The following SLC52A2 variants were observed in gnomAD, a reference collection of about 807,000 sequenced individuals.
SLC52A2 encodes solute carrier family 52 member 2.
Under a neutral mutation model 24.8 loss-of-function variants are expected in SLC52A2, and 16 were observed. The ratio of observed to expected loss-of-function variants is 0.64; its 90% CI spans 0.44 to 0.98. SLC52A2 has a LOEUF of 0.98. SLC52A2 is among the 50% of genes least tolerant of loss of function. The pLI, the probability that SLC52A2 is intolerant of heterozygous loss-of-function variation, is 0.00. For synonymous variants in SLC52A2, 335 were observed against 276.3 expected (o/e 1.21, Z -2.11); for missense variants, 612 against 575.9 (o/e 1.06, Z -0.64).
Position 144,358,635 on chromosome 8 carries a change from G to C in SLC52A2, c.-541G>C, listed in dbSNP as rs1818597902. The C allele has an allele frequency of 1.5e-6, 1 of 646,220 alleles. No homozygotes were observed. The highest frequency in any genetic ancestry group is 8.2e-5 in the South Asian group (1 of 12,142). 40.0% of individuals were successfully genotyped at this position (646,220 alleles called of 1,614,324 possible). On this transcript the variant is annotated 5_prime_UTR_variant, in exon 1 of 5. Coordinates refer to ENST00000643944, the MANE Select transcript of SLC52A2 (RefSeq NM_001363118.2). ...GGTGAGTCGGGTCGTGGCTGCTGCC[G>C]GGTCCTGCGCGCTCCGGACTGAGGT...
In SLC52A2 at chr8:144,360,645, C is replaced by T. The variant is rs1818816279; in HGVS notation, c.1057C>T (p.Leu353=). The T allele has an allele frequency of 6.2e-7, 1 of 1,604,422 alleles. No individual in the cohort carries two copies. Among genetic ancestry groups the T allele is most frequent in the Non-Finnish European group, 8.5e-7 (1 of 1,179,606 alleles). The change falls in exon 4 of 5, where the codon CTG becomes TTG. Residue 353 remains leucine, a synonymous_variant. Transcript: ENST00000643944. ...SLLGVFCGGY[L]MALAVLSPCP... ...GCTGGGCGTGTTCTGTGGGGGCTACCTGATGGCGCTGGCAGTCCTGAGCCC... is the reference window on the plus strand; with the variant it reads ...GCTGGGCGTGTTCTGTGGGGGCTACTTGATGGCGCTGGCAGTCCTGAGCCC...
chr8:144,360,552 G>T, intron 3 of SLC52A2, 38 bp from the exon 4 acceptor site: 1 of 1,582,740 alleles, frequency 6.3e-7, no homozygotes. Flanking sequence ...GCCAGGTCCT[G>T]GCGCAGTCAG....
Position 144,360,840 on chromosome 8 carries a change from A to C in SLC52A2, c.1163A>C (p.Tyr388Ser). The C allele has an allele frequency of 6.2e-7, 1 of 1,613,204 alleles. No homozygotes were observed. Among genetic ancestry groups the C allele is most frequent in the East Asian group, 2.2e-5 (1 of 44,872 alleles). ...GTGCTGTGTCTTGGCGTGTTCTCCT[A>C]CGTGAAGGTGGCAGCCAGCTCCCTG... ...SWVLCLGVFS[Y>S]VKVAASSLLH... The change falls in exon 5 of 5, where the codon TAC becomes TCC. Residue 388 changes from tyrosine to serine, a missense_variant. Physicochemically the swap from Tyr to Ser is moderately radical, Grantham distance 144 (BLOSUM62 -2). Coordinates refer to ENST00000643944, the MANE Select transcript of SLC52A2 (RefSeq NM_001363118.2).
Position 144,360,104 on chromosome 8 carries a change from G to A in SLC52A2, c.612G>A (p.Leu204=), listed in dbSNP as rs1187056563. The change falls in exon 3 of 5, where the codon CTG becomes CTA. Residue 204 remains leucine, a synonymous_variant. Coordinates refer to ENST00000643944, the MANE Select transcript of SLC52A2 (RefSeq NM_001363118.2). ...TCTTCTGGGCACTGACTGCCCTTCT[G>A]GTCGCTTCAGCTGCTGCCTTCCAGG... is the stretch of plus-strand genomic sequence containing the variant. ...STFFWALTAL[L]VASAAAFQGL... The A allele has an allele frequency of 1.2e-6, 2 of 1,612,816 alleles. No individual in the cohort carries two copies. The highest frequency in any genetic ancestry group is 1.3e-5 in the African/African-American group (1 of 74,902).
Position 144,359,732 on chromosome 8 carries a change from C to T in SLC52A2, c.240C>T (p.Pro80=). The change falls in exon 3 of 5, where the codon CCC becomes CCT. Residue 80 remains proline, a synonymous_variant. Transcript: ENST00000643944. ...RLAPGKDEQV[P]IRVVQVLGMV... ...CCCCAGGAAAGGACGAGCAGGTCCC[C>T]ATCCGGGTGGTGCAGGTGCTGGGCA... 1 of 1,613,594 alleles carries T rather than the reference C, an allele frequency of 6.2e-7. No individual in the cohort carries two copies. Among genetic ancestry groups the T allele is most frequent in the Non-Finnish European group, 8.5e-7 (1 of 1,180,006 alleles).
At position 144,360,952 on chromosome 8, in the gene SLC52A2, C is replaced by T. The variant is rs1818852282; in HGVS notation, c.1275C>T (p.Pro425=). The T allele has an allele frequency of 6.2e-6, 10 of 1,613,558 alleles. No individual in the cohort carries two copies. In the East Asian group the frequency reaches 2.2e-4, roughly 36 times the overall value. The change falls in exon 5 of 5, where the codon CCC becomes CCT. Residue 425 remains proline (P), a synonymous_variant. Coordinates refer to ENST00000643944, the MANE Select transcript of SLC52A2 (RefSeq NM_001363118.2). The part of the protein sequence containing the change: ...GSLLGAVAMF[P]PTSIYHVFHS... ...TGCTCGGCGCTGTTGCTATGTTCCC[C>T]CCGACCAGCATCTATCACGTGTTCC...
chr8:144,361,021 G>T lies in SLC52A2; in HGVS notation c.*6G>T, dbSNP rs1360906714. The T allele has an allele frequency of 6.2e-7, 1 of 1,610,104 alleles. No homozygotes were observed. The highest frequency in any genetic ancestry group is 8.5e-7 in the Non-Finnish European group (1 of 1,177,672). On this transcript the variant is annotated 3_prime_UTR_variant, in exon 5 of 5. Transcript: ENST00000643944. ...CAGACCCCTGTGACTCCTGAGCCTG[G>T]GCAGGTGGGGACCCCGCTCCCCAAC...
intron 3 of SLC52A2, 29 bp downstream of exon 3, chr8:144,360,522 G>A: frequency 6.3e-7 from 1 of 1,585,646 alleles, no homozygotes; most frequent in Non-Finnish European, 8.5e-7. Flanking sequence ...CCCCTGTGCG[G>A]GTGGAACTCA....
At position 144,359,996 on chromosome 8, in the gene SLC52A2, C is replaced by T. The variant is rs1554854012; in HGVS notation, c.504C>T (p.Gly168=). 5 of 1,612,816 alleles carry T rather than the reference C, an allele frequency of 3.1e-6. No individual in the cohort carries two copies. The highest frequency in any genetic ancestry group is 3.3e-5 in the Admixed American group (2 of 60,008). ...TGCTGGCCCTAGTGCAGGGTGTGGG[C>T]CGCCTCGAGTGCCCGCCAGCCCCCA... ...PCVLALVQGV[G]RLECPPAPIN... Residue 168 remains glycine, a synonymous_variant, in exon 3 of 5, where the codon GGC becomes GGT. Coordinates refer to ENST00000643944, the MANE Select transcript of SLC52A2 (RefSeq NM_001363118.2).
chr8:144,359,338 G>C lies in SLC52A2; in HGVS notation c.45G>C (p.Leu15=). 5 of 1,613,976 alleles carry C rather than the reference G, an allele frequency of 3.1e-6. No individual in the cohort carries two copies. Among genetic ancestry groups the C allele is most frequent in the Non-Finnish European group, 2.5e-6 (3 of 1,180,002 alleles). The change falls in exon 2 of 5, where the codon CTG becomes CTC. Residue 15 remains leucine, a synonymous_variant. Transcript: ENST00000643944. The part of the protein sequence containing the change: ...TPARPVLTHL[L]VALFGMGSWA... ...CCCGTCCGGTGCTGACCCACCTGCT[G>C]GTGGCTCTCTTCGGCATGGGCTCCT...
rs782243117 is a variant in SLC52A2, at chr8:144,359,275, G to C, written c.-19G>C. ...CTGTGACCTTTGCCCTGACCTGGAA[G>C]GGCCCAGCCTTGGGCTGAATGGCAG... On this transcript the variant is annotated 5_prime_UTR_variant, in exon 2 of 5. Transcript: ENST00000643944. 29 of 1,602,140 alleles carry C rather than the reference G, an allele frequency of 1.8e-5. No homozygotes were observed. Among genetic ancestry groups the C allele is most frequent in the African/African-American group, 4.0e-5 (3 of 74,658 alleles).
In SLC52A2 at chr8:144,360,504, A is replaced by AC. The variant is rs1564657067; in HGVS notation, c.1001+16dup. ...GGGTGTGCTGTGCAGGTACACAAGG[A>AC]CCCCCAGCCCCTGTGCGGGTGGAAC... On this transcript the variant is annotated intron_variant, in intron 3 of 4. Transcript: ENST00000643944. 1 of 1,588,328 alleles carries AC rather than the reference A, an allele frequency of 6.3e-7. No individual in the cohort carries two copies. Among genetic ancestry groups the AC allele is most frequent in the South Asian group, 1.1e-5 (1 of 90,330 alleles).
At chr8:144,359,098 C>A in intron 1 of SLC52A2, 33 bp downstream of exon 1, 1 of 808,224 alleles carries the variant, frequency 1.2e-6, no homozygotes, top group Non-Finnish European at 1.8e-6. Flanking sequence ...CATCTGCGCT[C>A]CTGCCCGGGG....
rs782535830 is a variant in SLC52A2, at chr8:144,359,264, C to T, written c.-30C>T. 1.3e-6 allele frequency: 2 copies of T among 1,594,894 alleles called. No homozygotes were observed. The highest frequency in any genetic ancestry group is 1.7e-6 in the Non-Finnish European group (2 of 1,170,678). ...AAAAGAACTGGCTGTGACCTTTGCC[C>T]TGACCTGGAAGGGCCCAGCCTTGGG... On this transcript the variant is annotated 5_prime_UTR_variant, in exon 2 of 5. Transcript: ENST00000643944.
chr8:144,360,019 C>T lies in SLC52A2; in HGVS notation c.527C>T (p.Pro176Leu), dbSNP rs1818735657. The T allele has an allele frequency of 1.2e-6, 2 of 1,612,822 alleles. No individual in the cohort carries two copies. The highest frequency in any genetic ancestry group is 1.3e-5 in the African/African-American group (1 of 74,918). The change falls in exon 3 of 5, where the codon CCC becomes CTC. Residue 176 changes from proline to leucine, a missense_variant. Transcript: ENST00000643944. Reference sequence around the variant, plus strand: ...GGCCGCCTCGAGTGCCCGCCAGCCCCCATCAACGGCACCCCTGGCCCCCCG... The same window carrying T: ...GGCCGCCTCGAGTGCCCGCCAGCCCTCATCAACGGCACCCCTGGCCCCCCG... ...GVGRLECPPA[P>L]INGTPGPPLD...
rs1554854349 is a variant in SLC52A2 at position 144,360,488 on chromosome 8, G to T, written c.996G>T (p.Leu332=). Residue 332 remains leucine, a synonymous_variant, in exon 3 of 5, where the codon CTG becomes CTT. Transcript: ENST00000643944. The part of the protein sequence containing the change: ...PLACFLAMGV[L]CRSLAGLGGL... The stretch of plus-strand genomic sequence containing the variant: ...CCTGCTTCCTGGCCATGGGTGTGCT[G>T]TGCAGGTACACAAGGACCCCCAGCC... The T allele has an allele frequency of 1.3e-6, 2 of 1,596,100 alleles. No individual in the cohort carries two copies. The highest frequency in any genetic ancestry group is 2.2e-5 in the East Asian group (1 of 44,724).
At chr8:144,360,750 G>A (rs782606169) in intron 4 of SLC52A2, 37 bp downstream of exon 4, 29 of 1,604,110 alleles carry the variant, frequency 1.8e-5, no homozygotes, top group African/African-American at 9.4e-5. Context: ...GTGGGGGGGC[G>A]TTGCCCTGGA....
Position 144,359,228 on chromosome 8 carries a change from C to T in SLC52A2, c.-66C>T. Reference sequence around the variant, plus strand: ...CCCAGGAGAGCCAAAGCGTGTCTGGCCCTAGGTGGGAAAAGAACTGGCTGT... The same window carrying T: ...CCCAGGAGAGCCAAAGCGTGTCTGGTCCTAGGTGGGAAAAGAACTGGCTGT... On this transcript the variant is annotated 5_prime_UTR_variant, in exon 2 of 5. Coordinates refer to ENST00000643944, the MANE Select transcript of SLC52A2 (RefSeq NM_001363118.2). 5 of 1,546,844 alleles carry T rather than the reference C, an allele frequency of 3.2e-6. No individual in the cohort carries two copies. The highest frequency in any genetic ancestry group is 1.7e-4 in the Middle Eastern group (1 of 5,722).
rs1818764297 is a variant in SLC52A2, at chr8:144,360,194, G to A, written c.702G>A (p.Gln234=). 1 of 1,612,874 alleles carries A rather than the reference G, an allele frequency of 6.2e-7. No individual in the cohort carries two copies. Among genetic ancestry groups the A allele is most frequent in the Non-Finnish European group, 8.5e-7 (1 of 1,180,028 alleles). Residue 234 remains glutamine (Q), a synonymous_variant, in exon 3 of 5, where the codon CAG becomes CAA. Transcript: ENST00000643944. ...CAGGGGAGTTAGGATCAGGCCTCCA[G>A]GTGGGAGCCCCAGGAGCAGAGGAAG... ...VPTGELGSGL[Q]VGAPGAEEEV... is the part of the protein sequence containing the mutation.
Sources: gnomAD v4.1 joint callset for allele counts on GRCh38, gnomAD v4.1.1 for gene constraint, MANE v1.5 for transcripts, NCBI Gene and HGNC (gene_info 2026-07-23, HGNC 2026-07-21) for gene names.